Variants in CASTOR2 observed in about 807,000 individuals in gnomAD.
CASTOR2 encodes the protein cytosolic arginine sensor for mTORC1 subunit 2, also known as GATS protein like 2.
In CASTOR2, 8 loss-of-function variants were observed where a neutral mutation model predicts 31.2. The ratio of observed to expected loss-of-function variants is 0.26; its 90% CI spans 0.15 to 0.46. CASTOR2 has a LOEUF of 0.46. Among genes scored for constraint, CASTOR2 ranks in the 20% least tolerant of loss-of-function variants. The pLI, the probability that CASTOR2 is intolerant of heterozygous loss-of-function variation, is 0.99. For synonymous variants in CASTOR2, 162 were observed against 158.7 expected, an observed-to-expected ratio of 1.02 and a Z score of -0.16; for missense variants, 216 against 382.1, an observed-to-expected ratio of 0.57 and a Z score of 3.62.
chr7:74,979,108 A>G (rs1803892522), intron 1 of CASTOR2, among the ~76,000 whole-genome samples: 2 of 152,108 alleles, frequency 1.3e-5, no homozygotes, highest in Admixed American at 6.6e-5. Flanking sequence ...TAGAGGCTGC[A>G]GTGAGCCGAG....
chr7:75,019,642 T>C (rs4075634), intron 5 of CASTOR2, among the ~76,000 whole-genome samples: 77,760 of 152,128 alleles, frequency 0.51, 22,992 homozygotes, highest in East Asian at 0.86. Flanking sequence ...GCCCAGTCTG[T>C]TGAGGAGCTG....
At chr7:74,972,720 C>A (rs1382254170) in intron 1 of CASTOR2, among the ~76,000 whole-genome samples, 2 of 150,574 alleles carry the variant, frequency 1.3e-5, no homozygotes, top group Non-Finnish European at 3.0e-5. Context: ...TGCTCTGTCG[C>A]CCAGCCTGGA....
chr7:75,024,826 A>G lies in CASTOR2; in HGVS notation c.*127A>G. 6.5e-7 allele frequency: 1 copy of G among 1,547,686 alleles called. No homozygotes were observed. The highest frequency in any genetic ancestry group is 1.4e-5 in the African/African-American group (1 of 72,874). On this transcript the variant is annotated 3_prime_UTR_variant, in exon 9 of 9. Transcript: ENST00000616305. ...ACCCTGAGGAAGGGGCCTCTGTGGG[A>G]GACTCCCTCGATTGCCAATCCCTCC...
Position 75,029,634 on chromosome 7 carries a change from C to A in CASTOR2, c.*4935C>A, listed in dbSNP as rs979703200. 1.3e-5 allele frequency among the ~76,000 whole-genome samples: 2 copies of A among 152,090 alleles called. No homozygotes were observed. Among genetic ancestry groups the A allele is most frequent in the African/African-American group, 4.8e-5 (2 of 41,426 alleles). ...GCTGGGATTACAGGCATGAGATACCCCGCCTGGCCAATGGGATTTTTGACG... is the reference window on the plus strand; with the variant it reads ...GCTGGGATTACAGGCATGAGATACCACGCCTGGCCAATGGGATTTTTGACG... On this transcript the variant is annotated 3_prime_UTR_variant, in exon 9 of 9. Coordinates refer to ENST00000616305, the MANE Select transcript of CASTOR2 (RefSeq NM_001145064.3).
chr7:75,015,401 C>T (rs1584475718), intron 2 of CASTOR2, among the ~76,000 whole-genome samples: 1 of 152,118 alleles, frequency 6.6e-6, no homozygotes, highest in African/African-American at 2.4e-5. Flanking sequence ...TCCCAAGTGG[C>T]TGGGACCACA....
In CASTOR2 at chr7:75,027,575, TG is replaced by T. The variant is rs1279084797; in HGVS notation, c.*2880del. The T allele has an allele frequency of 5.8e-6, 1 of 171,782 alleles. No individual in the cohort carries two copies. The highest frequency in any genetic ancestry group is 1.3e-5 in the Non-Finnish European group (1 of 79,218). The allele number at this position is 171,782 out of a possible 1,614,324, so 10.6% of individuals were successfully genotyped here. A position where few individuals can be genotyped will look rare whatever the true frequency, so the allele number is the denominator to read the frequency against. ...CAGGTTGTGCTCCTGGGGCTGCTCC[TG>T]GGGACTGGCCTCGTGTCATGGAGAA... On this transcript the variant is annotated 3_prime_UTR_variant, in exon 9 of 9. Transcript: ENST00000616305.
At chr7:75,011,277 A>C (rs1304618302) in intron 2 of CASTOR2, among the ~76,000 whole-genome samples, 1 of 151,924 alleles carries the variant, frequency 6.6e-6, no homozygotes, top group Non-Finnish European at 1.5e-5. Context: ...AAAAATACAA[A>C]AATTACCCGG....
chr7:74,988,495 C>G (rs1232187885), intron 1 of CASTOR2, among the ~76,000 whole-genome samples: 1 of 152,046 alleles, frequency 6.6e-6, no homozygotes, highest in Non-Finnish European at 1.5e-5. Flanking sequence ...GACAGGGTTT[C>G]ACCATGTTAG....
At chr7:75,017,497 G>C in intron 2 of CASTOR2, 101 bp from the exon 3 acceptor site, 1 of 1,356,998 alleles carries the variant, frequency 7.4e-7, no homozygotes, top group South Asian at 1.2e-5. Context: ...GGGTGGAGCT[G>C]GCCCCAGAGC....
At chr7:75,009,896 T>C (rs1481984268) in intron 2 of CASTOR2, among the ~76,000 whole-genome samples, 18 of 151,106 alleles carry the variant, frequency 1.2e-4, no homozygotes, top group Non-Finnish European at 2.2e-4. Flanking sequence ...TTTTTTTTTT[T>C]TTTTTTTTTT....
At position 75,025,580 on chromosome 7, in the gene CASTOR2, AC is replaced by A. The variant is rs1805105527; in HGVS notation, c.*883del. Among the ~76,000 whole-genome samples the A allele has an allele frequency of 6.6e-6, 1 of 152,098 alleles. No individual in the cohort carries two copies. Among genetic ancestry groups the A allele is most frequent in the Admixed American group, 6.6e-5 (1 of 15,262 alleles). ...TCCCACCTCCCCAACAGACAACTAGACCAGCATAGGACTCCCCGCCGTCCTC... is the reference window on the plus strand; with the variant it reads ...TCCCACCTCCCCAACAGACAACTAGACAGCATAGGACTCCCCGCCGTCCTC... On this transcript the variant is annotated 3_prime_UTR_variant, in exon 9 of 9. Transcript: ENST00000616305.
At chr7:75,012,066 C>T (rs1372523056) in intron 2 of CASTOR2, among the ~76,000 whole-genome samples, 1 of 152,078 alleles carries the variant, frequency 6.6e-6, no homozygotes, top group African/African-American at 2.4e-5. Flanking sequence ...ACAACCAAGC[C>T]AGGACGGAAA....
chr7:75,013,718 T>C (rs1804803683), intron 2 of CASTOR2, among the ~76,000 whole-genome samples: 3 of 151,948 alleles, frequency 2.0e-5, no homozygotes, highest in Non-Finnish European at 2.9e-5. Flanking sequence ...GTTGTATATG[T>C]GTATATTCCG....
At chr7:75,012,963 TG>T (rs1265855788) in intron 2 of CASTOR2, among the ~76,000 whole-genome samples, 1 of 152,212 alleles carries the variant, frequency 6.6e-6, no homozygotes. Flanking sequence ...CTAGTTTTTG[TG>T]TTTTTTTGTA....
chr7:75,024,373 C>G, intron 7 of CASTOR2, 67 bp from the exon 8 acceptor site: 1 of 1,492,302 alleles, frequency 6.7e-7, no homozygotes, highest in South Asian at 1.2e-5. Context: ...AGGGTAGAGG[C>G]TGAAGAGCCA....
chr7:75,014,858 C>T (rs1404165167), intron 2 of CASTOR2, among the ~76,000 whole-genome samples: 1 of 152,222 alleles, frequency 6.6e-6, no homozygotes, highest in Non-Finnish European at 1.5e-5. Context: ...GTCAGCACCC[C>T]CTCAAGGTGT....
Position 75,020,281 on chromosome 7 carries a change from C to T in CASTOR2, c.746+132C>T, listed in dbSNP as rs932987123. ...TTTTTGATACGGGGTCTCGCTCTGT[C>T]GCCCAGGCTGGGGTGCAGTGGTGCG... On this transcript the variant is annotated intron_variant, in intron 6 of 8. Coordinates refer to ENST00000616305, the MANE Select transcript of CASTOR2 (RefSeq NM_001145064.3). 5.3e-5 allele frequency: 48 copies of T among 910,402 alleles called. 1 individual carries two copies. Among genetic ancestry groups the T allele is most frequent in the Admixed American group, 4.3e-4 (18 of 42,220 alleles). 56.4% of individuals were successfully genotyped at this position (910,402 alleles called of 1,614,324 possible).
At chr7:75,015,782 C>A (rs1463471625) in intron 2 of CASTOR2, among the ~76,000 whole-genome samples, 4 of 151,994 alleles carry the variant, frequency 2.6e-5, no homozygotes. Flanking sequence ...ATAACCCTGC[C>A]TCGGCCAGGC....
rs1470135757 is a variant in CASTOR2 at position 75,030,995 on chromosome 7, C to G, written c.*6296C>G. Among the ~76,000 whole-genome samples, 1 of 152,206 alleles carries G rather than the reference C, an allele frequency of 6.6e-6. No individual in the cohort carries two copies. Among genetic ancestry groups the G allele is most frequent in the African/African-American group, 2.4e-5 (1 of 41,458 alleles). Reference sequence around the variant, plus strand: ...GGCAGGGTGAACAGCAGGCCAAGTTCAGGTCCCAAGACAGGCCAAGGCCAG... The same window carrying G: ...GGCAGGGTGAACAGCAGGCCAAGTTGAGGTCCCAAGACAGGCCAAGGCCAG... On this transcript the variant is annotated 3_prime_UTR_variant, in exon 9 of 9. Coordinates refer to ENST00000616305, the MANE Select transcript of CASTOR2 (RefSeq NM_001145064.3).
Sources: gnomAD v4.1 joint callset for allele counts (sites outside exome capture counted in the v4.1 genomes callset) on GRCh38, gnomAD v4.1.1 for gene constraint, MANE v1.5 for transcripts, NCBI Gene and HGNC (gene_info 2026-07-23, HGNC 2026-07-21) for gene names.